The following AFG2A variants were observed in gnomAD, a reference collection of about 807,000 sequenced individuals.
The protein encoded by AFG2A is AAA ATPase AFG2A, also known as ATPase family gene 2 protein homolog A.
the AFG2A span, among the ~76,000 whole-genome samples, chr4:123,133,896 CT>C: frequency 1.3e-5 from 2 of 152,088 alleles, no homozygotes; most frequent in Non-Finnish European, 2.9e-5. Context: ...ATATTGAGCA[CT>C]TGTATTTGTT....
chr4:123,142,671 G>A, the AFG2A span, among the ~76,000 whole-genome samples: 1 of 152,010 alleles, frequency 6.6e-6, no homozygotes. Context: ...TTCTTTAGAT[G>A]CTCTCTCAGG....
the AFG2A span, among the ~76,000 whole-genome samples, chr4:122,945,045 T>C: frequency 6.6e-6 from 1 of 152,128 alleles, no homozygotes; most frequent in Non-Finnish European, 1.5e-5. Context: ...AGTCTGCCCC[T>C]ACTGGGGGTG....
At chr4:123,099,296 A>G in the AFG2A span, among the ~76,000 whole-genome samples, 1 of 151,756 alleles carries the variant, frequency 6.6e-6, no homozygotes, top group African/African-American at 2.4e-5. Flanking sequence ...CTCTCATTTT[A>G]TAGGTTGTCT....
At chr4:123,061,745 A>G in the AFG2A span, among the ~76,000 whole-genome samples, 1 of 152,314 alleles carries the variant, frequency 6.6e-6, no homozygotes, top group South Asian at 2.1e-4. Flanking sequence ...TGCTTTGTGA[A>G]GTGAAGCACT....
the AFG2A span, among the ~76,000 whole-genome samples, chr4:123,015,269 G>C: frequency 6.6e-6 from 1 of 150,666 alleles, no homozygotes; most frequent in African/African-American, 2.4e-5. Flanking sequence ...ATAGTGGAGG[G>C]AGGGTCAGCA....
At chr4:123,307,904 G>C in the AFG2A span, among the ~76,000 whole-genome samples, 1 of 152,324 alleles carries the variant, frequency 6.6e-6, no homozygotes, top group Admixed American at 6.5e-5. Context: ...ATAGCCTAGT[G>C]TGGAATGGGC....
At chr4:122,999,948 T>A in the AFG2A span, among the ~76,000 whole-genome samples, 3 of 152,230 alleles carry the variant, frequency 2.0e-5, no homozygotes, top group Non-Finnish European at 2.9e-5. Flanking sequence ...GAGCATGGAA[T>A]GTTCTTCCAT....
the AFG2A span, among the ~76,000 whole-genome samples, chr4:122,939,370 C>T: frequency 5.3e-5 from 8 of 152,116 alleles, no homozygotes; most frequent in Non-Finnish European, 1.0e-4. Flanking sequence ...GCGTGAGCCA[C>T]CGCGCCCAGC....
At chr4:123,007,325 C>A in the AFG2A span, among the ~76,000 whole-genome samples, 1 of 151,688 alleles carries the variant, frequency 6.6e-6, no homozygotes, top group Non-Finnish European at 1.5e-5. Context: ...CTATTCCTGG[C>A]CCTTTGTGAG....
chr4:123,147,531 A>G, the AFG2A span, among the ~76,000 whole-genome samples: 2 of 152,190 alleles, frequency 1.3e-5, no homozygotes, highest in Admixed American at 6.5e-5. Flanking sequence ...GTTATCTGTC[A>G]TCATTCCTGA....
At chr4:123,082,364 C>T in the AFG2A span, among the ~76,000 whole-genome samples, 1 of 151,994 alleles carries the variant, frequency 6.6e-6, no homozygotes, top group Non-Finnish European at 1.5e-5. Flanking sequence ...ACACTTGTTC[C>T]AGCATCATTT....
chr4:122,924,884 A>G, the AFG2A span, among the ~76,000 whole-genome samples: 1 of 152,030 alleles, frequency 6.6e-6, no homozygotes, highest in East Asian at 1.9e-4. Context: ...TATTAAACAG[A>G]TGTGAAATTA....
chr4:122,953,775 C>T, the AFG2A span, among the ~76,000 whole-genome samples: 79 of 152,344 alleles, frequency 5.2e-4, no homozygotes, highest in Non-Finnish European at 8.8e-4. Flanking sequence ...CCTTGGCCAT[C>T]TCCTTTCCTT....
At chr4:123,311,865 T>C in the AFG2A span, among the ~76,000 whole-genome samples, 1 of 152,182 alleles carries the variant, frequency 6.6e-6, no homozygotes, top group Non-Finnish European at 1.5e-5. Flanking sequence ...GCCAGTTTGA[T>C]TACTGTGTGT....
chr4:123,276,584 A>G, the AFG2A span, among the ~76,000 whole-genome samples: 1 of 152,218 alleles, frequency 6.6e-6, no homozygotes, highest in South Asian at 2.1e-4. Context: ...GGTATCTCCT[A>G]TGTTATCTTC....
At chr4:123,095,224 G>A in the AFG2A span, among the ~76,000 whole-genome samples, 1 of 151,300 alleles carries the variant, frequency 6.6e-6, no homozygotes, top group Non-Finnish European at 1.5e-5. Flanking sequence ...TCAGTATTTA[G>A]TGATAATTAT....
chr4:122,935,803 G>T, the AFG2A span: 1 of 1,612,764 alleles, frequency 6.2e-7, no homozygotes, highest in Non-Finnish European at 8.5e-7. Context: ...TGAAGTTGGA[G>T]CCTATGTTTC....
the AFG2A span, among the ~76,000 whole-genome samples, chr4:122,956,046 G>A: frequency 6.6e-6 from 1 of 152,192 alleles, no homozygotes. Context: ...TGCCTTACTA[G>A]AGACTTTTTG....
At chr4:123,118,342 TA>T in the AFG2A span, among the ~76,000 whole-genome samples, 49 of 55,192 alleles carry the variant, frequency 8.9e-4, no homozygotes, top group Non-Finnish European at 2.6e-3. Flanking sequence ...ATATATATTA[TA>T]TTATATATAT....
Sources: gnomAD v4.1 joint callset for allele counts (sites outside exome capture counted in the v4.1 genomes callset) on GRCh38, gnomAD v4.1.1 for gene constraint, MANE v1.5 for transcripts, NCBI Gene and HGNC (gene_info 2026-07-23, HGNC 2026-07-21) for gene names.